The following CCL17 variants were observed in gnomAD, a reference collection of about 807,000 sequenced individuals.
CCL17 encodes the protein C-C motif chemokine 17.
CCL17 carries 8 observed loss-of-function variants against 7.4 expected under a neutral mutation model. The ratio of observed to expected loss-of-function variants is 1.09; its 90% CI spans 0.64 to 1.96. The LOEUF is 1.96. CCL17 is among the 30% of genes most tolerant of loss of function. The pLI is 0.00. For synonymous variants in CCL17, 40 were observed against 46.1 expected (o/e 0.87, Z 0.54); for missense variants, 102 against 113.0 (o/e 0.90, Z 0.44).
chr16:57,409,620 G>A (rs1401371019), intron 1 of CCL17, among the ~76,000 whole-genome samples: 1 of 152,178 alleles, frequency 6.6e-6, no homozygotes, highest in Non-Finnish European at 1.5e-5. Context: ...AGGAGAAGGA[G>A]ACGGATTCAG....
intron 2 of CCL17, among the ~76,000 whole-genome samples, chr16:57,414,766 A>G (rs1902841215): frequency 1.3e-5 from 2 of 152,258 alleles, no homozygotes; most frequent in South Asian, 4.1e-4. Context: ...ATAGACATAC[A>G]GGGACGCGCA....
chr16:57,396,829 C>T, the CCL17 span, among the ~76,000 whole-genome samples: 2 of 152,112 alleles, frequency 1.3e-5, no homozygotes, highest in Non-Finnish European at 2.9e-5. Flanking sequence ...TAACAGGTTG[C>T]ATTGGATGCA....
chr16:57,408,414 CAT>C (rs1902731922), intron 1 of CCL17, among the ~76,000 whole-genome samples: 2 of 140,210 alleles, frequency 1.4e-5, no homozygotes, highest in Non-Finnish European at 3.0e-5. Context: ...ATTCAGTAAA[CAT>C]ATATATATTT....
In CCL17 at chr16:57,415,761, G is replaced by A. The variant is rs1207565076; in HGVS notation, c.189-4G>A. 5 of 1,600,812 alleles carry A rather than the reference G, an allele frequency of 3.1e-6. No homozygotes were observed. Among genetic ancestry groups the A allele is most frequent in the African/African-American group, 2.7e-5 (2 of 74,650 alleles). On this transcript the variant is annotated splice_polypyrimidine_tract_variant and splice_region_variant and intron_variant, in intron 3 of 3. Coordinates refer to ENST00000219244, the MANE Select transcript of CCL17 (RefSeq NM_002987.3). The surrounding 1 kb of genome is among the most constrained non-coding windows in gnomAD (Gnocchi z 4.5). ...ACTCCTGGTAACGTCCTCCTTCTGT[G>A]TAGTTTTGTAACTGTGCAGGGCAGG...
chr16:57,412,429 C>T (rs16956817), intron 1 of CCL17, among the ~76,000 whole-genome samples: 2,165 of 152,276 alleles, frequency 0.014, 56 homozygotes, highest in African/African-American at 0.048. Context: ...TAGCTCTGAG[C>T]GATGCTCCAG....
Position 57,415,829 on chromosome 16 carries a change from G to T in CCL17, c.253G>T (p.Val85Phe). Residue 85 changes from valine (V) to phenylalanine (F), a missense_variant, in exon 4 of 4, where the codon GTT becomes TTT. Coordinates refer to ENST00000219244, the MANE Select transcript of CCL17 (RefSeq NM_002987.3). This position sits in a 1 kb window ranked among gnomAD's most constrained non-coding sequence, Gnocchi z 4.5. ...CAACAACAAGAGAGTGAAGAATGCA[G>T]TTAAATACCTGCAAAGCCTTGAGAG... ...DPNNKRVKNA[V>F]KYLQSLERS The T allele has an allele frequency of 6.2e-7, 1 of 1,612,928 alleles. No homozygotes were observed. Among genetic ancestry groups the T allele is most frequent in the Admixed American group, 1.7e-5 (1 of 60,030 alleles).
At chr16:57,407,084 C>G (rs1902707476) in intron 1 of CCL17, among the ~76,000 whole-genome samples, 1 of 152,080 alleles carries the variant, frequency 6.6e-6, no homozygotes, top group African/African-American at 2.4e-5. Flanking sequence ...GCAGTTTGGT[C>G]ATGAATGAAA....
intron 2 of CCL17, 98 bp from the exon 3 acceptor site, chr16:57,414,983 A>T (rs1246980888): frequency 3.9e-6 from 3 of 767,916 alleles, no homozygotes; most frequent in Non-Finnish European, 7.1e-6. Flanking sequence ...GCACACATGG[A>T]CACGCACATG....
intron 1 of CCL17, among the ~76,000 whole-genome samples, chr16:57,407,662 A>G (rs937286188): frequency 6.6e-6 from 1 of 151,914 alleles, no homozygotes; most frequent in East Asian, 1.9e-4. Flanking sequence ...CCACCCATCC[A>G]TCAGTCCATC....
the CCL17 span, among the ~76,000 whole-genome samples, chr16:57,399,619 T>C: frequency 3.3e-5 from 5 of 151,954 alleles, no homozygotes; most frequent in African/African-American, 1.2e-4. Flanking sequence ...CCCAGCTAAT[T>C]TTTTATTTTT....
At chr16:57,411,938 C>G (rs1349007087) in intron 1 of CCL17, among the ~76,000 whole-genome samples, 1 of 152,214 alleles carries the variant, frequency 6.6e-6, no homozygotes, top group Non-Finnish European at 1.5e-5. Context: ...TCCCCTCCCC[C>G]TCCTCTGCAC....
At chr16:57,398,780 G>C in the CCL17 span, among the ~76,000 whole-genome samples, 2 of 152,126 alleles carry the variant, frequency 1.3e-5, no homozygotes, top group African/African-American at 4.8e-5. Flanking sequence ...AGAGTAGCCT[G>C]CTGGCATGAG....
chr16:57,412,355 C>T (rs966881005), intron 1 of CCL17, among the ~76,000 whole-genome samples: 4 of 152,278 alleles, frequency 2.6e-5, no homozygotes, highest in South Asian at 4.1e-4. Flanking sequence ...CCTCCGAAGT[C>T]GAGGGTCTTT....
At chr16:57,399,098 A>G in the CCL17 span, among the ~76,000 whole-genome samples, 3 of 152,168 alleles carry the variant, frequency 2.0e-5, no homozygotes, top group Non-Finnish European at 4.4e-5. Context: ...ACAGCTGGAT[A>G]TAGAGGAATT....
chr16:57,403,035 A>G (rs1188025146), upstream of CCL17, among the ~76,000 whole-genome samples: 7 of 137,694 alleles, frequency 5.1e-5, no homozygotes, highest in African/African-American at 1.9e-4. Context: ...AAAAAAAAAA[A>G]AAAGAGCAGA....
At chr16:57,411,577 G>A in intron 1 of CCL17, among the ~76,000 whole-genome samples, 1 of 152,242 alleles carries the variant, frequency 6.6e-6, no homozygotes. Flanking sequence ...TTAATCAGCT[G>A]TCCCTTGCAG....
At chr16:57,402,775 T>G (rs1430317219), upstream of CCL17, among the ~76,000 whole-genome samples, 1 of 152,114 alleles carries the variant, frequency 6.6e-6, no homozygotes, top group Non-Finnish European at 1.5e-5. Context: ...AAGAAGGGTT[T>G]CTGCATTCTG....
At chr16:57,396,429 A>G in the CCL17 span, among the ~76,000 whole-genome samples, 3 of 152,206 alleles carry the variant, frequency 2.0e-5, no homozygotes, top group East Asian at 5.8e-4. Flanking sequence ...AGGTAGCTCC[A>G]GTGAGCGGCT....
chr16:57,402,246 C>T (rs1212585430), upstream of CCL17, among the ~76,000 whole-genome samples: 1 of 152,180 alleles, frequency 6.6e-6, no homozygotes, highest in African/African-American at 2.4e-5. Context: ...TGGCATTGTG[C>T]GACGTGTCAA....
Sources: gnomAD v4.1 joint callset for allele counts (sites outside exome capture counted in the v4.1 genomes callset) on GRCh38, gnomAD v4.1.1 for gene constraint, Gnocchi (gnomAD v3.1) non-coding constraint, MANE v1.5 for transcripts, NCBI Gene and HGNC (gene_info 2026-07-23, HGNC 2026-07-21) for gene names.